ZER1: variants seen among roughly 807,000 people sequenced by gnomAD.
ZER1 encodes zyg-11 related cell cycle regulator, also known as protein zer-1 homolog.
In ZER1, 11 loss-of-function variants were observed where a neutral mutation model predicts 78.8. The ratio of observed to expected loss-of-function variants is 0.14; its 90% CI spans 0.09 to 0.23. The LOEUF (loss-of-function observed/expected upper bound fraction) is 0.23, where lower values mean the gene tolerates loss of function less well. ZER1 is among the 10% of genes least tolerant of loss of function. ZER1 has a pLI of 1.00. For synonymous variants in ZER1, 400 were observed against 407.0 expected, an observed-to-expected ratio of 0.98 and a Z score of 0.21; for missense variants, 588 against 996.9, an observed-to-expected ratio of 0.59 and a Z score of 5.52.
At chr9:128,735,281 A>G in intron 14 of ZER1, 53 bp downstream of exon 14, 1 of 1,520,138 alleles carries the variant, frequency 6.6e-7, no homozygotes, top group South Asian at 1.2e-5. Flanking sequence ...CCCTGAGGGC[A>G]CATCTGCTTT....
In ZER1 at chr9:128,731,312, G is replaced by C. The variant is rs753536895; in HGVS notation, c.*25C>G. ...TCCTCCCCGCCTGTGGTCCAGAGCG[G>C]TGGCGGCCATGGGGACGGAGGCCTC... On this transcript the variant is annotated 3_prime_UTR_variant, in exon 16 of 16. Transcript: ENST00000291900. 13 of 1,611,318 alleles carry C rather than the reference G, an allele frequency of 8.1e-6. No homozygotes were observed. Among genetic ancestry groups the C allele is most frequent in the Non-Finnish European group, 1.1e-5 (13 of 1,178,778 alleles).
intron 1 of ZER1, among the ~76,000 whole-genome samples, chr9:128,757,155 G>A (rs902206746): frequency 6.6e-6 from 1 of 152,168 alleles, no homozygotes; most frequent in African/African-American, 2.4e-5. Context: ...TTTAGGCAAT[G>A]ATTTCACATG....
At chr9:128,769,247 C>T (rs1864309787) in intron 1 of ZER1, among the ~76,000 whole-genome samples, 1 of 152,206 alleles carries the variant, frequency 6.6e-6, no homozygotes, top group Non-Finnish European at 1.5e-5. Flanking sequence ...AGTGCTAAAA[C>T]GAACGGCTCT....
Position 128,753,126 on chromosome 9 carries a change from C to G in ZER1, c.746+38G>C, listed in dbSNP as rs777930645. The G allele has an allele frequency of 2.9e-5, 44 of 1,493,582 alleles. No homozygotes were observed. The highest frequency in any genetic ancestry group is 1.9e-4 in the Admixed American group (9 of 46,266). 92.5% of individuals were successfully genotyped at this position (1,493,582 alleles called of 1,614,324 possible). On this transcript the variant is annotated intron_variant, in intron 4 of 15. Coordinates refer to ENST00000291900, the MANE Select transcript of ZER1 (RefSeq NM_006336.4). The surrounding 1 kb of genome is among the most constrained non-coding windows in gnomAD (Gnocchi z 7.5). ...CCTCTACTCCTCCCCACCTGCCCCC[C>G]AAACCCCACCCTGGTGAGCTCTGGG... is the stretch of plus-strand genomic sequence containing the variant.
intron 1 of ZER1, among the ~76,000 whole-genome samples, chr9:128,765,789 A>C (rs570438258): frequency 1.3e-5 from 2 of 152,284 alleles, no homozygotes; most frequent in African/African-American, 4.8e-5. Flanking sequence ...AAGTGTGGGG[A>C]TCTCCAGGTG....
At chr9:128,735,532 C>G (rs2132390649) in intron 13 of ZER1, 101 bp from the exon 14 acceptor site, 1 of 1,149,670 alleles carries the variant, frequency 8.7e-7, no homozygotes, top group Non-Finnish European at 1.2e-6. Flanking sequence ...AGTGACCAAC[C>G]ATGATAGGCT....
At position 128,755,860 on chromosome 9, in the gene ZER1, T is replaced by C. The variant is rs777232539; in HGVS notation, c.-94-201A>G. ...TGCACAATTTGACCTGCAAAGAACATGGAGCCTTGTCCAAGCACTTATTTG... is the reference window on the plus strand; with the variant it reads ...TGCACAATTTGACCTGCAAAGAACACGGAGCCTTGTCCAAGCACTTATTTG... On this transcript the variant is annotated intron_variant, in intron 1 of 15. Coordinates refer to ENST00000291900, the MANE Select transcript of ZER1 (RefSeq NM_006336.4). This position sits in a 1 kb window ranked among gnomAD's most constrained non-coding sequence, Gnocchi z 5.6. 2.0e-5 allele frequency among the ~76,000 whole-genome samples: 3 copies of C among 152,228 alleles called. No individual in the cohort carries two copies. The highest frequency in any genetic ancestry group is 4.4e-5 in the Non-Finnish European group (3 of 68,040).
chr9:128,760,378 A>G (rs1482663407), intron 1 of ZER1, among the ~76,000 whole-genome samples: 1 of 151,602 alleles, frequency 6.6e-6, no homozygotes, highest in East Asian at 2.0e-4. Context: ...AATATTTTGT[A>G]TTTTTGGTAG....
At chr9:128,769,470 G>C (rs1033821597) in intron 1 of ZER1, among the ~76,000 whole-genome samples, 2 of 151,160 alleles carry the variant, frequency 1.3e-5, no homozygotes, top group African/African-American at 2.4e-5. Flanking sequence ...GAGTGCTGCA[G>C]TGGCATGATC....
Position 128,750,801 on chromosome 9 carries a change from C to T in ZER1, c.1186-12G>A. The T allele has an allele frequency of 6.2e-7, 1 of 1,613,964 alleles. No individual in the cohort carries two copies. Among genetic ancestry groups the T allele is most frequent in the Non-Finnish European group, 8.5e-7 (1 of 1,179,864 alleles). ...GCCGTGATGACCAGCTGTATGAAGA[C>T]AAGGGGGACCTGGGCTGGCAAGTGC... On this transcript the variant is annotated splice_polypyrimidine_tract_variant and intron_variant, in intron 7 of 15. Coordinates refer to ENST00000291900, the MANE Select transcript of ZER1 (RefSeq NM_006336.4).
intron 4 of ZER1, 106 bp from the exon 5 acceptor site, chr9:128,752,955 C>T: frequency 1.4e-6 from 2 of 1,420,036 alleles, no homozygotes; most frequent in Non-Finnish European, 1.9e-6. Flanking sequence ...CCATTCCTGC[C>T]ACAACTTCCC....
intron 1 of ZER1, among the ~76,000 whole-genome samples, chr9:128,765,496 C>A (rs1864180121): frequency 6.6e-6 from 1 of 152,160 alleles, no homozygotes; most frequent in Admixed American, 6.5e-5. Flanking sequence ...CGCTTCTCAC[C>A]AAATATTTGG....
chr9:128,772,216 T>G (rs1469964797), upstream of ZER1: 1 of 152,374 alleles, frequency 6.6e-6, no homozygotes, highest in Non-Finnish European at 1.5e-5. Context: ...CCAACACTGC[T>G]GAATAGCAGG....
At chr9:128,748,684 G>C (rs1472013912) in intron 8 of ZER1, among the ~76,000 whole-genome samples, 1 of 151,426 alleles carries the variant, frequency 6.6e-6, no homozygotes, top group Non-Finnish European at 1.5e-5. Flanking sequence ...CAATTCTCCT[G>C]CCTCAGCCTC....
In ZER1 at chr9:128,754,110, C is replaced by T. The variant is rs1345443401; in HGVS notation, c.159-151G>A. On this transcript the variant is annotated intron_variant, in intron 2 of 15. Transcript: ENST00000291900. The surrounding 1 kb of genome is among the most constrained non-coding windows in gnomAD (Gnocchi z 4.3). ...AGTATCTGGTCAGATCCTGACTAAACTACCAGTAAGATTAAGGGTGCCCAG... is the reference window on the plus strand; with the variant it reads ...AGTATCTGGTCAGATCCTGACTAAATTACCAGTAAGATTAAGGGTGCCCAG... 9.5e-7 allele frequency: 1 copy of T among 1,049,596 alleles called. No individual in the cohort carries two copies. The highest frequency in any genetic ancestry group is 1.4e-6 in the Non-Finnish European group (1 of 734,216). The allele number at this position is 1,049,596 out of a possible 1,614,324, so 65.0% of individuals were successfully genotyped here.
At chr9:128,765,087 A>G (rs148596845) in intron 1 of ZER1, among the ~76,000 whole-genome samples, 1 of 152,232 alleles carries the variant, frequency 6.6e-6, no homozygotes, top group Non-Finnish European at 1.5e-5. Context: ...ATTTCCTAGT[A>G]CCCTGTACTT....
At chr9:128,741,453 T>C in intron 11 of ZER1, 82 bp downstream of exon 11, 1 of 1,581,282 alleles carries the variant, frequency 6.3e-7, no homozygotes, top group Non-Finnish European at 8.7e-7. Flanking sequence ...GTGCTGCGGA[T>C]TTGGTTGGTG....
At chr9:128,750,907 G>A in intron 7 of ZER1, 118 bp from the exon 8 acceptor site, 13 of 1,477,648 alleles carry the variant, frequency 8.8e-6, no homozygotes, top group Non-Finnish European at 1.2e-5. Context: ...TCTAAAGGCA[G>A]AAGTGGGGCC....
At chr9:128,765,250 C>T (rs553017468) in intron 1 of ZER1, among the ~76,000 whole-genome samples, 1 of 149,918 alleles carries the variant, frequency 6.7e-6, no homozygotes, top group Admixed American at 6.6e-5. Context: ...CACACACACA[C>T]GTGCGCAAGC....
Sources: allele counts gnomAD v4.1 joint callset (sites outside exome capture counted in the v4.1 genomes callset), GRCh38; gene constraint gnomAD v4.1.1; non-coding constraint Gnocchi (gnomAD v3.1); transcripts MANE v1.5; gene names NCBI Gene and HGNC (gene_info 2026-07-23, HGNC 2026-07-21).